TTC34: variants seen among roughly 807,000 people sequenced by gnomAD.
TTC34 encodes tetratricopeptide repeat protein 34.
In TTC34, 44 loss-of-function variants were observed where a neutral mutation model predicts 40.7. The observed-to-expected ratio is 1.08, with a 90% CI of 0.85 to 1.39. TTC34 has a LOEUF of 1.39. Ranked by LOEUF, TTC34 falls within the 40% of genes most tolerant of loss-of-function variation. The probability of loss-of-function intolerance (pLI) is 0.00; values close to 1 mark genes in which losing one functional copy is unlikely to be tolerated. For synonymous variants in TTC34, 422 were observed against 398.6 expected, an observed-to-expected ratio of 1.06 and a Z score of -0.70; for missense variants, 884 against 838.0, an observed-to-expected ratio of 1.05 and a Z score of -0.68.
chr1:2,685,617 C>T (rs200345396), intron 6 of TTC34, among the ~76,000 whole-genome samples: 4 of 114,168 alleles, frequency 3.5e-5, no homozygotes, highest in Admixed American at 8.6e-5. Context: ...GAGCATCCGA[C>T]AGCCTGGAGC....
intron 6 of TTC34, among the ~76,000 whole-genome samples, chr1:2,694,582 T>C (rs1392903068): frequency 0.023 from 857 of 37,298 alleles, no homozygotes; most frequent in Middle Eastern, 0.037. Flanking sequence ...CCTGGAACAG[T>C]ACCCACACCC....
At position 2,684,960 on chromosome 1, in the gene TTC34, C is replaced by G. The variant is rs552585729; in HGVS notation, c.2227-39397G>C. 2.0e-4 allele frequency among the ~76,000 whole-genome samples: 28 copies of G among 141,790 alleles called. No homozygotes were observed. The South Asian group carries it at 6.0e-3, about 31-fold the overall frequency. 93.0% of individuals were successfully genotyped at this position (141,790 alleles called of 152,430 possible). The stretch of plus-strand genomic sequence containing the variant: ...ACAGCCTGGAGCACCACCCACACCC[C>G]CAGACGAGCATCTGACAGCTTAGAA... On this transcript the variant is annotated intron_variant, in intron 6 of 8. Coordinates refer to ENST00000401095, the Ensembl canonical transcript of TTC34.
At chr1:2,657,361 A>T (rs1310883476) in intron 6 of TTC34, among the ~76,000 whole-genome samples, 1 of 84,384 alleles carries the variant, frequency 1.2e-5, no homozygotes, top group Non-Finnish European at 3.0e-5. Context: ...GCATCTGACA[A>T]CTTGGAGCAG....
At chr1:2,776,261 G>A (rs1226841104) in intron 6 of TTC34, 3 of 107,664 alleles carry the variant, frequency 2.8e-5, no homozygotes, top group East Asian at 2.7e-4. Flanking sequence ...GTGAGCATCC[G>A]ACAGCCTGGA....
At chr1:2,765,787 C>A (rs1267201444) in intron 6 of TTC34, among the ~76,000 whole-genome samples, 1 of 25,666 alleles carries the variant, frequency 3.9e-5, no homozygotes, top group Non-Finnish European at 5.9e-5. Context: ...CCTGGAGCAG[C>A]GCCCACACCC....
intron 6 of TTC34, among the ~76,000 whole-genome samples, chr1:2,757,509 AC>A: frequency 7.3e-6 from 1 of 136,518 alleles, no homozygotes; most frequent in Non-Finnish European, 1.6e-5. Context: ...CAGCACCCAC[AC>A]CCCCAGGTGA....
intron 6 of TTC34, among the ~76,000 whole-genome samples, chr1:2,652,566 C>A (rs1320028712): frequency 2.6e-5 from 4 of 151,816 alleles, no homozygotes; most frequent in Admixed American, 1.3e-4. Flanking sequence ...CACCCACACC[C>A]CCAGGTGAGC....
At position 2,645,584 on chromosome 1, in the gene TTC34, C is replaced by CGGGGGG; in HGVS notation, c.2227-22_2227-21insCCCCCC. 2 of 41,938 alleles carry CGGGGGG rather than the reference C, an allele frequency of 4.8e-5. No homozygotes were observed. Among genetic ancestry groups the CGGGGGG allele is most frequent in the South Asian group, 1.9e-4 (1 of 5,192 alleles). 2.6% of individuals were successfully genotyped at this position (41,938 alleles called of 1,614,324 possible). ...GCTTCCTGCAAGGAGGGAGGGCGGG[C>CGGGGGG]GGGTGCAGAGTTGTCCTAAGTAGAG... On this transcript the variant is annotated intron_variant, in intron 6 of 8. Transcript: ENST00000401095. This position sits in a 1 kb window ranked among gnomAD's most constrained non-coding sequence, Gnocchi z 4.7.
At chr1:2,769,671 C>A (rs1330728694) in intron 6 of TTC34, among the ~76,000 whole-genome samples, 1 of 131,374 alleles carries the variant, frequency 7.6e-6, no homozygotes, top group Non-Finnish European at 1.6e-5. Context: ...GCACCCTACA[C>A]CCCCAGGGGA....
chr1:2,654,017 C>A (rs1411718478), intron 6 of TTC34, among the ~76,000 whole-genome samples: 1 of 48,882 alleles, frequency 2.0e-5, no homozygotes, highest in East Asian at 8.6e-4. Flanking sequence ...CACCCCCAGG[C>A]GAGCATCTGA....
chr1:2,695,987 A>C lies in TTC34; in HGVS notation c.2227-50424T>G, dbSNP rs540789123. 8.2e-3 allele frequency among the ~76,000 whole-genome samples: 290 copies of C among 35,244 alleles called. 1 individual carries two copies. Among genetic ancestry groups the C allele is most frequent in the Middle Eastern group, 0.033 (1 of 30 alleles). The allele number at this position is 35,244 out of a possible 152,430, so 23.1% of individuals were successfully genotyped here. A position where few individuals can be genotyped will look rare whatever the true frequency, so the allele number is the denominator to read the frequency against. On this transcript the variant is annotated intron_variant, in intron 6 of 8. Coordinates refer to ENST00000401095, the Ensembl canonical transcript of TTC34. The stretch of plus-strand genomic sequence containing the variant: ...TTGAGCATCTGATAGCCTGGAACAG[A>C]ACCCACACCCCCAGGTGAGCATCTG...
At chr1:2,643,331 T>G (rs925989059) in intron 8 of TTC34, among the ~76,000 whole-genome samples, 6 of 152,206 alleles carry the variant, frequency 3.9e-5, no homozygotes, top group Admixed American at 3.9e-4. Flanking sequence ...GATTCTTGCC[T>G]GTGCCGGGAG....
exon 8 of TTC34, chr1:2,644,280 C>G (rs758267296): frequency 1.3e-6 from 2 of 1,534,262 alleles, no homozygotes; most frequent in Non-Finnish European, 1.7e-6. Flanking sequence ...AAGGCTCTGC[C>G]GCTCCGAGGC....
intron 2 of TTC34, among the ~76,000 whole-genome samples, chr1:2,794,036 C>T (rs1643690315): frequency 6.6e-6 from 1 of 151,972 alleles, no homozygotes; most frequent in Non-Finnish European, 1.5e-5. Context: ...TTTGCTGTTG[C>T]CCAGGCTGGC....
intron 6 of TTC34, among the ~76,000 whole-genome samples, chr1:2,748,566 T>TCTAACAACCTGGAACAG (rs1641220689): frequency 2.2e-5 from 1 of 46,460 alleles, no homozygotes. Context: ...CACACCACCA[T>TCTAACAACCTGGAACAG]GCGAGCATCT....
chr1:2,783,859 G>C (rs1643530930), intron 5 of TTC34, 84 bp from the exon 6 acceptor site: 2 of 1,282,132 alleles, frequency 1.6e-6, no homozygotes. Flanking sequence ...GGGGAGGGCA[G>C]AGGGTGCATG....
intron 6 of TTC34, among the ~76,000 whole-genome samples, chr1:2,650,969 T>C (rs1428575114): frequency 1.6e-5 from 2 of 128,634 alleles, no homozygotes; most frequent in Non-Finnish European, 3.2e-5. Context: ...CATCACACCA[T>C]CCAAATGGCA....
chr1:2,637,992 C>T (rs924687562), exon 9 of TTC34: 6 of 152,200 alleles, frequency 3.9e-5, no homozygotes, highest in Non-Finnish European at 1.5e-5. Flanking sequence ...CCCTGGTTCT[C>T]TGAGCCTCTC....
exon 9 of TTC34, chr1:2,638,129 AACC>A (rs2100981546): frequency 6.6e-6 from 1 of 152,176 alleles, no homozygotes; most frequent in East Asian, 1.9e-4. Flanking sequence ...CATTTTATTT[AACC>A]ACCATAGCCA....
Sources: allele counts gnomAD v4.1 joint callset (sites outside exome capture counted in the v4.1 genomes callset), GRCh38; gene constraint gnomAD v4.1.1; non-coding constraint Gnocchi (gnomAD v3.1); transcripts MANE v1.5; gene names NCBI Gene and HGNC (gene_info 2026-07-23, HGNC 2026-07-21).